TTC7A: variants seen among roughly 807,000 people sequenced by gnomAD.
TTC7A encodes the protein tetratricopeptide repeat protein 7A.
In TTC7A, 110 loss-of-function variants were observed where a neutral mutation model predicts 103.7. That is an observed-to-expected ratio of 1.06 (90% CI 0.91 to 1.24). The LOEUF (loss-of-function observed/expected upper bound fraction) is 1.24. Ranked by LOEUF, TTC7A falls within the 50% of genes most tolerant of loss-of-function variation. The probability of loss-of-function intolerance (pLI) is 0.00; values close to 1 mark genes in which losing one functional copy is unlikely to be tolerated. For synonymous variants in TTC7A, 521 were observed against 467.9 expected, an observed-to-expected ratio of 1.11 and a Z score of -1.47; for missense variants, 1,340 against 1,116.3, an observed-to-expected ratio of 1.20 and a Z score of -2.86.
At chr2:47,020,044 C>T (rs1353868125) in intron 11 of TTC7A, among the ~76,000 whole-genome samples, 2 of 152,188 alleles carry the variant, frequency 1.3e-5, no homozygotes, top group African/African-American at 2.4e-5. Context: ...CACAGTGGGG[C>T]CTTAACTAGG....
intron 5 of TTC7A, among the ~76,000 whole-genome samples, chr2:46,987,807 C>CGTGTGTGTGTGTGTGT: frequency 9.1e-6 from 1 of 110,112 alleles, no homozygotes; most frequent in East Asian, 2.2e-4. Context: ...TCCCTTTCCG[C>CGTGTGTGTGTGTGTGT]GCGTGTGTGT....
At chr2:46,919,354 T>A (rs975142048) in intron 2 of TTC7A, among the ~76,000 whole-genome samples, 1 of 152,080 alleles carries the variant, frequency 6.6e-6, no homozygotes. Flanking sequence ...GCCAGCATGG[T>A]GAAACCCTGT....
rs140450167 is a variant in TTC7A, at chr2:46,921,390, A to C, written c.82+4113A>C. 3.1e-4 allele frequency among the ~76,000 whole-genome samples: 47 copies of C among 152,338 alleles called. No individual in the cohort carries two copies. The East Asian group carries it at 9.1e-3, about 29-fold the overall frequency. Reference sequence around the variant, plus strand: ...GCAAGTAGAAATGGAAATGCTTAAAATACCATTATAATAGCATCCCAGAAC... The same window carrying C: ...GCAAGTAGAAATGGAAATGCTTAAACTACCATTATAATAGCATCCCAGAAC... On this transcript the variant is annotated intron_variant, in intron 2 of 20. Coordinates refer to the TTC7A transcript ENST00000409245.
rs1369629774 is a variant in TTC7A at position 46,978,930 on chromosome 2, A to G, written c.764+23A>G. ...GGGGTAGGTCACTGGTAGTTGAGTG[A>G]GTGGGAGAACGATTCCCCTGGGCTG... is the stretch of plus-strand genomic sequence containing the variant. On this transcript the variant is annotated intron_variant, in intron 5 of 19. Transcript: ENST00000319190. The G allele has an allele frequency of 1.9e-6, 3 of 1,561,136 alleles. No individual in the cohort carries two copies. In the South Asian group the frequency reaches 3.3e-5, roughly 17 times the overall value.
intron 12 of TTC7A, among the ~76,000 whole-genome samples, chr2:47,023,147 G>C (rs1470843286): frequency 1.3e-5 from 2 of 152,234 alleles, no homozygotes; most frequent in Non-Finnish European, 2.9e-5. Context: ...CCCATGTCGT[G>C]GAATGCTTGT....
At chr2:47,029,453 C>T (rs1023393109) in intron 15 of TTC7A, 69 bp downstream of exon 15, 19 of 1,548,390 alleles carry the variant, frequency 1.2e-5, no homozygotes, top group South Asian at 4.5e-5. Context: ...CCCATGCACA[C>T]CTGCCCTGCC....
chr2:46,993,446 C>A lies in TTC7A; in HGVS notation c.765-4C>A. The A allele has an allele frequency of 6.2e-7, 1 of 1,614,168 alleles. No homozygotes were observed. The highest frequency in any genetic ancestry group is 8.5e-7 in the Non-Finnish European group (1 of 1,179,988). ...CAAATCTACTTCTGCCGTCCTCCCA[C>A]CAGGAACATCGTGAAGGGCATGAGA... On this transcript the variant is annotated splice_region_variant and splice_polypyrimidine_tract_variant and intron_variant, in intron 5 of 19. Transcript: ENST00000319190.
intron 4 of TTC7A, among the ~76,000 whole-genome samples, chr2:46,976,027 C>A (rs1673843648): frequency 6.6e-6 from 1 of 152,198 alleles, no homozygotes; most frequent in Non-Finnish European, 1.5e-5. Context: ...CCGTGCCCAG[C>A]CTCCATTTTA....
chr2:46,948,184 G>A (rs1383485184), intron 1 of TTC7A, among the ~76,000 whole-genome samples: 1 of 152,192 alleles, frequency 6.6e-6, no homozygotes, highest in Non-Finnish European at 1.5e-5. Flanking sequence ...GGACCAGCTG[G>A]GGGACGGGGC....
intron 19 of TTC7A, among the ~76,000 whole-genome samples, chr2:47,070,149 T>G (rs1190374445): frequency 6.6e-6 from 1 of 152,228 alleles, no homozygotes; most frequent in Non-Finnish European, 1.5e-5. Context: ...ACTGAACTTA[T>G]GGGCTGGGAT....
At chr2:46,915,930 C>T (rs1413498979), upstream of TTC7A, 19 of 985,186 alleles carry the variant, frequency 1.9e-5, no homozygotes, top group Non-Finnish European at 2.2e-5. Context: ...CGTGAGTCCA[C>T]GTGTAATCGG....
At chr2:47,011,472 T>C (rs1259207995) in intron 11 of TTC7A, 37 bp downstream of exon 11, 2 of 1,532,036 alleles carry the variant, frequency 1.3e-6, no homozygotes, top group Admixed American at 1.7e-5. Flanking sequence ...AGAGGCCTCC[T>C]GTGGGGAGGG....
intron 6 of TTC7A, 107 bp from the exon 7 acceptor site, chr2:46,994,250 C>T: frequency 2.9e-6 from 4 of 1,371,292 alleles, no homozygotes; most frequent in Non-Finnish European, 4.0e-6. Flanking sequence ...AAGGGCCGCA[C>T]ATTGCAAGCG....
chr2:46,917,942 TG>T (rs1217549847), intron 2 of TTC7A, among the ~76,000 whole-genome samples: 1 of 152,256 alleles, frequency 6.6e-6, no homozygotes, highest in Non-Finnish European at 1.5e-5. Context: ...ATTATCAAAG[TG>T]TCCAGGGTTC....
intron 8 of TTC7A, among the ~76,000 whole-genome samples, chr2:47,004,368 T>C (rs1470643062): frequency 6.6e-6 from 1 of 152,088 alleles, no homozygotes; most frequent in Non-Finnish European, 1.5e-5. Context: ...GAGCCTGTGG[T>C]CTGGAGGCCT....
rs141866570 is a variant in TTC7A at position 47,056,731 on chromosome 2, G to C, written c.2153-4038G>C. 1.5e-3 allele frequency among the ~76,000 whole-genome samples: 230 copies of C among 152,320 alleles called. 6 individuals are homozygous for C. In the East Asian group the frequency reaches 0.033, roughly 22 times the overall value. On this transcript the variant is annotated intron_variant, in intron 18 of 19. Transcript: ENST00000319190. ...GCACAGAGGAGAGGGGGTGGAGAGA[G>C]ATGGAGGGAAGAGGAGGAAAACCGG...
intron 2 of TTC7A, among the ~76,000 whole-genome samples, chr2:46,952,209 T>C (rs924310345): frequency 2.6e-4 from 39 of 152,120 alleles, no homozygotes; most frequent in African/African-American, 8.0e-4. Context: ...GAGGTTTGTA[T>C]TGGGTTAAAA....
At chr2:46,974,798 A>T in intron 3 of TTC7A, 175 bp from the exon 4 acceptor site, 1 of 830,086 alleles carries the variant, frequency 1.2e-6, no homozygotes, top group Non-Finnish European at 1.9e-6. Flanking sequence ...ACTCCCAGCC[A>T]CTGCTAACAC....
intron 8 of TTC7A, 62 bp from the exon 9 acceptor site, chr2:47,005,860 C>G: frequency 1.3e-6 from 2 of 1,590,518 alleles, no homozygotes; most frequent in Non-Finnish European, 8.6e-7. Flanking sequence ...GGGGGCCCTG[C>G]GAAGACAGAC....
Sources: gnomAD v4.1 joint callset for allele counts (sites outside exome capture counted in the v4.1 genomes callset) on GRCh38, gnomAD v4.1.1 for gene constraint, MANE v1.5 for transcripts, NCBI Gene and HGNC (gene_info 2026-07-23, HGNC 2026-07-21) for gene names.